Variants in SSTR4 observed in about 807,000 individuals in gnomAD.
SSTR4 encodes the protein somatostatin receptor type 4.
For missense variants in SSTR4, 649 were observed against 540.6 expected (o/e 1.20, Z -1.99); for synonymous variants, 272 against 246.3 (o/e 1.10, Z -0.98).
Position 23,036,400 on chromosome 20 carries a change from C to A in SSTR4, c.917C>A (p.Ala306Asp). ...SLILSYANSCANPILYGFLSD... is the reference protein window; with the variant it reads ...SLILSYANSCDNPILYGFLSD... ...ATCCTTAGCTATGCCAACAGCTGCG[C>A]CAACCCCATTCTCTATGGCTTCCTC... Residue 306 changes from alanine to aspartate, a missense_variant, in exon 1 of 1, where the codon GCC becomes GAC. Ala to Asp is a moderately radical substitution (Grantham distance 126). Coordinates refer to ENST00000255008, the MANE Select transcript of SSTR4 (RefSeq NM_001052.4). 4 of 1,614,150 alleles carry A rather than the reference C, an allele frequency of 2.5e-6. No individual in the cohort carries two copies. Among genetic ancestry groups the A allele is most frequent in the Non-Finnish European group, 3.4e-6 (4 of 1,180,002 alleles).
Position 23,036,803 on chromosome 20 carries a change from C to T in SSTR4, c.*153C>T. ...GTACCTGCCGGAGAGTGTCAGAACT[C>T]TTCTGCTGCTCTCCTCTCCCCTGCA... On this transcript the variant is annotated 3_prime_UTR_variant, in exon 1 of 1. Transcript: ENST00000255008. 1 of 834,278 alleles carries T rather than the reference C, an allele frequency of 1.2e-6. No homozygotes were observed. The highest frequency in any genetic ancestry group is 1.8e-6 in the Non-Finnish European group (1 of 549,922). The allele number at this position is 834,278 out of a possible 1,614,324, so 51.7% of individuals were successfully genotyped here.
Position 23,036,609 on chromosome 20 carries a change from G to T in SSTR4, c.1126G>T (p.Gly376Cys). The T allele has an allele frequency of 6.4e-7, 1 of 1,573,706 alleles. No homozygotes were observed. Among genetic ancestry groups the T allele is most frequent in the Non-Finnish European group, 8.6e-7 (1 of 1,161,086 alleles). ...CQQEALQPEP[G>C]RKRIPLTRTT... ...GCAGGAAGCCCTGCAACCAGAACCC[G>T]GCCGCAAGCGCATCCCCCTCACCAG... The change falls in exon 1 of 1, where the codon GGC becomes TGC. Residue 376 changes from glycine (G) to cysteine (C), a missense_variant. Transcript: ENST00000255008.
In SSTR4 at chr20:23,035,790, G is replaced by C; in HGVS notation, c.307G>C (p.Val103Leu). 6 of 1,593,894 alleles carry C rather than the reference G, an allele frequency of 3.8e-6. No individual in the cohort carries two copies. Among genetic ancestry groups the C allele is most frequent in the Non-Finnish European group, 4.3e-6 (5 of 1,169,072 alleles). Reference sequence around the variant, plus strand: ...GCTCTTCATGCTGAGCGTGCCCTTCGTGGCCTCGTCGGCCGCCCTGCGCCA... The same window carrying C: ...GCTCTTCATGCTGAGCGTGCCCTTCCTGGCCTCGTCGGCCGCCCTGCGCCA... The part of the protein sequence containing the change: ...DELFMLSVPF[V>L]ASSAALRHWP... The change falls in exon 1 of 1, where the codon GTG becomes CTG. Residue 103 changes from valine (V) to leucine (L), a missense_variant. Val to Leu is a conservative substitution (Grantham distance 32). Coordinates refer to ENST00000255008, the MANE Select transcript of SSTR4 (RefSeq NM_001052.4).
Position 23,036,416 on chromosome 20 carries a change from T to A in SSTR4, c.933T>A (p.Tyr311Ter). 1 of 1,614,076 alleles carries A rather than the reference T, an allele frequency of 6.2e-7. No individual in the cohort carries two copies. The highest frequency in any genetic ancestry group is 2.2e-5 in the East Asian group (1 of 44,868). ...ACAGCTGCGCCAACCCCATTCTCTA[T>A]GGCTTCCTCTCCGACAACTTCCGCC... ...YANSCANPIL[Y>*]GFLSDNFRRF... Residue 311 changes from tyrosine to a stop codon, truncating the protein, a stop_gained, in exon 1 of 1, where the codon TAT (tyrosine) becomes TAA (stop). Transcript: ENST00000255008. LOFTEE classifies it low-confidence loss of function (END_TRUNC).
rs753969264 is a variant in SSTR4 at position 23,035,842 on chromosome 20, G to A, written c.359G>A (p.Arg120His). 2.5e-6 allele frequency: 4 copies of A among 1,601,356 alleles called. No homozygotes were observed. The highest frequency in any genetic ancestry group is 2.3e-5 in the South Asian group (2 of 88,532). Reference protein sequence around the residue: ...RHWPFGSVLCRAVLSVDGLNM... With the variant: ...RHWPFGSVLCHAVLSVDGLNM... ...TGGCCCTTCGGCTCCGTGCTGTGCC[G>A]CGCGGTGCTCAGCGTCGACGGCCTC... The change falls in exon 1 of 1, where the codon CGC becomes CAC. Residue 120 changes from arginine (R) to histidine (H), a missense_variant. Arg to His is a conservative substitution (Grantham distance 29). Coordinates refer to ENST00000255008, the MANE Select transcript of SSTR4 (RefSeq NM_001052.4).
Position 23,035,690 on chromosome 20 carries a change from C to G in SSTR4, c.207C>G (p.Ile69Met). ...GGCTGGTGGGCAACGCCCTGGTCAT[C>G]TTCGTGATCCTTCGCTACGCCAAGA... ...LVGLVGNALV[I>M]FVILRYAKMK... is the part of the protein sequence containing the mutation. Residue 69 changes from isoleucine to methionine, a missense_variant, in exon 1 of 1, where the codon ATC becomes ATG. Transcript: ENST00000255008. The G allele has an allele frequency of 6.4e-7, 1 of 1,553,182 alleles. No individual in the cohort carries two copies. Among genetic ancestry groups the G allele is most frequent in the East Asian group, 2.3e-5 (1 of 44,046 alleles).
Position 23,036,686 on chromosome 20 carries a change from C to A in SSTR4, c.*36C>A. The stretch of plus-strand genomic sequence containing the variant: ...CCCTACCCACCCTGCGTGGCCACCT[C>A]CCAAGGGGTGGGCACCATTCCTACA... On this transcript the variant is annotated 3_prime_UTR_variant, in exon 1 of 1. Transcript: ENST00000255008. 6.6e-7 allele frequency: 1 copy of A among 1,520,932 alleles called. No individual in the cohort carries two copies. 94.2% of individuals were successfully genotyped at this position (1,520,932 alleles called of 1,614,324 possible). A position where few individuals can be genotyped will look rare whatever the true frequency, so the allele number is the denominator to read the frequency against.
Position 23,035,315 on chromosome 20 carries a change from C to T in SSTR4, c.-169C>T. ...CCAGTCGGGCGCCCGCGCGGTGGGG[C>T]GCGCGGCGCGGGGATTGGCGGGCGC... On this transcript the variant is annotated 5_prime_UTR_variant, in exon 1 of 1. Transcript: ENST00000255008. 2.3e-6 allele frequency: 1 copy of T among 436,896 alleles called. No homozygotes were observed. The highest frequency in any genetic ancestry group is 2.1e-5 in the African/African-American group (1 of 48,004). 27.1% of individuals were successfully genotyped at this position (436,896 alleles called of 1,614,324 possible). A position where few individuals can be genotyped will look rare whatever the true frequency, so the allele number is the denominator to read the frequency against.
chr20:23,038,771 C>T lies in SSTR4; in HGVS notation c.*2121C>T, dbSNP rs568325316. The stretch of plus-strand genomic sequence containing the variant: ...TGGTGGGAGGGCAGGAGATAGCACG[C>T]TTCTCTGCTTAGTCCTCCTTCCATC... On this transcript the variant is annotated 3_prime_UTR_variant, in exon 1 of 1. Transcript: ENST00000255008. Among the ~76,000 whole-genome samples, 40 of 152,354 alleles carry T rather than the reference C, an allele frequency of 2.6e-4. No individual in the cohort carries two copies. The highest frequency in any genetic ancestry group is 8.7e-4 in the African/African-American group (36 of 41,586).
Position 23,036,260 on chromosome 20 carries a change from G to A in SSTR4, c.777G>A (p.Arg259=). 1.9e-6 allele frequency: 3 copies of A among 1,614,182 alleles called. No homozygotes were observed. Among genetic ancestry groups the A allele is most frequent in the Non-Finnish European group, 2.5e-6 (3 of 1,180,046 alleles). Residue 259 remains arginine, a synonymous_variant, in exon 1 of 1, where the codon AGG becomes AGA. Transcript: ENST00000255008. ...GGCGCTCGGAGAAGAAAATCACCAG[G>A]CTGGTGCTGATGGTCGTGGTCGTCT... is the stretch of plus-strand genomic sequence containing the variant. ...QRRRSEKKIT[R]LVLMVVVVFV...
At position 23,035,756 on chromosome 20, in the gene SSTR4, A is replaced by T. The variant is rs1328785796; in HGVS notation, c.273A>T (p.Val91=). 2 of 1,590,782 alleles carry T rather than the reference A, an allele frequency of 1.3e-6. No homozygotes were observed. Among genetic ancestry groups the T allele is most frequent in the Middle Eastern group, 1.7e-4 (1 of 5,918 alleles). ...ACATCTACCTGCTCAACCTGGCCGT[A>T]GCCGACGAGCTCTTCATGCTGAGCG... The part of the protein sequence containing the change: ...ATNIYLLNLA[V]ADELFMLSVP... Residue 91 remains valine, a synonymous_variant, in exon 1 of 1, where the codon GTA becomes GTT. Transcript: ENST00000255008.
chr20:23,036,125 C>G lies in SSTR4; in HGVS notation c.642C>G (p.Tyr214Ter), dbSNP rs1384699359. The part of the protein sequence containing the change: ...HPAWSAVFVV[Y>*]TFLLGFLLPV... The stretch of plus-strand genomic sequence containing the variant: ...CCTGGTCGGCAGTCTTCGTGGTCTA[C>G]ACTTTCCTGCTGGGCTTCCTGCTGC... Residue 214 changes from tyrosine (Y) to a stop codon, truncating the protein, a stop_gained, in exon 1 of 1, where the codon TAC becomes TAG. Coordinates refer to ENST00000255008, the MANE Select transcript of SSTR4 (RefSeq NM_001052.4). LOFTEE classifies it low-confidence loss of function (END_TRUNC). 2 of 1,605,068 alleles carry G rather than the reference C, an allele frequency of 1.2e-6. No individual in the cohort carries two copies. Among genetic ancestry groups the G allele is most frequent in the Non-Finnish European group, 1.7e-6 (2 of 1,179,772 alleles).
In SSTR4 at chr20:23,036,907, C is replaced by T. The variant is rs1323281875; in HGVS notation, c.*257C>T. On this transcript the variant is annotated 3_prime_UTR_variant, in exon 1 of 1. Coordinates refer to ENST00000255008, the MANE Select transcript of SSTR4 (RefSeq NM_001052.4). ...GCTAGGATATTAATCATTCCTGAAC[C>T]TCTGGCTGTTCTTCAAGGGCTGGGA... is the stretch of plus-strand genomic sequence containing the variant. 4.6e-6 allele frequency: 2 copies of T among 439,120 alleles called. No individual in the cohort carries two copies. The highest frequency in any genetic ancestry group is 3.8e-5 in the Admixed American group (1 of 25,994). 27.2% of individuals were successfully genotyped at this position (439,120 alleles called of 1,614,324 possible). A position where few individuals can be genotyped will look rare whatever the true frequency, so the allele number is the denominator to read the frequency against.
chr20:23,036,037 C>A lies in SSTR4; in HGVS notation c.554C>A (p.Ala185Glu), dbSNP rs1251532127. 3.1e-6 allele frequency: 5 copies of A among 1,590,868 alleles called. No homozygotes were observed. Among genetic ancestry groups the A allele is most frequent in the South Asian group, 1.1e-5 (1 of 88,768 alleles). The change falls in exon 1 of 1, where the codon GCA (alanine) becomes GAA (glutamate). Residue 185 changes from alanine (A) to glutamate (E), a missense_variant. Ala to Glu is a moderately radical substitution (Grantham distance 107). Coordinates refer to ENST00000255008, the MANE Select transcript of SSTR4 (RefSeq NM_001052.4). ...GTCACTCTCCCCATCGCCATCTTCG[C>A]AGACACCAGACCGGCTCGCGGCGGC... ...LLVTLPIAIF[A>E]DTRPARGGQA...
In SSTR4 at chr20:23,036,606, C is replaced by A; in HGVS notation, c.1123C>A (p.Pro375Thr). ...PCQQEALQPE[P>T]GRKRIPLTRT... ...CCAGCAGGAAGCCCTGCAACCAGAA[C>A]CCGGCCGCAAGCGCATCCCCCTCAC... Residue 375 changes from proline (P) to threonine (T), a missense_variant, in exon 1 of 1, where the codon CCC becomes ACC. Coordinates refer to ENST00000255008, the MANE Select transcript of SSTR4 (RefSeq NM_001052.4). The A allele has an allele frequency of 6.3e-7, 1 of 1,578,010 alleles. No individual in the cohort carries two copies. The highest frequency in any genetic ancestry group is 8.6e-7 in the Non-Finnish European group (1 of 1,163,060).
At position 23,036,716 on chromosome 20, in the gene SSTR4, C is replaced by T. The variant is rs891435036; in HGVS notation, c.*66C>T. ...GGGGTGGGCACCATTCCTACAGCCC[C>T]GAAGACTGCATCTCCTGAATGCTCA... On this transcript the variant is annotated 3_prime_UTR_variant, in exon 1 of 1. Coordinates refer to ENST00000255008, the MANE Select transcript of SSTR4 (RefSeq NM_001052.4). 4.0e-6 allele frequency: 6 copies of T among 1,488,946 alleles called. No homozygotes were observed. The highest frequency in any genetic ancestry group is 5.4e-6 in the Non-Finnish European group (6 of 1,110,082). The allele number at this position is 1,488,946 out of a possible 1,614,324, so 92.2% of individuals were successfully genotyped here. A position where few individuals can be genotyped will look rare whatever the true frequency, so the allele number is the denominator to read the frequency against.
rs1476223742 is a variant in SSTR4 at position 23,035,965 on chromosome 20, G to T, written c.482G>T (p.Ser161Ile). Residue 161 changes from serine to isoleucine, a missense_variant, in exon 1 of 1, where the codon AGC (serine) becomes ATC (isoleucine). Coordinates refer to ENST00000255008, the MANE Select transcript of SSTR4 (RefSeq NM_001052.4). ...PLRAATYRRP[S>I]VAKLINLGVW... is the part of the protein sequence containing the mutation. ...CGCGCGGCGACCTACCGGCGGCCCAGCGTGGCCAAGCTCATCAACCTGGGC... is the reference window on the plus strand; with the variant it reads ...CGCGCGGCGACCTACCGGCGGCCCATCGTGGCCAAGCTCATCAACCTGGGC... The T allele has an allele frequency of 1.2e-6, 2 of 1,607,324 alleles. No homozygotes were observed. Among genetic ancestry groups the T allele is most frequent in the Non-Finnish European group, 8.5e-7 (1 of 1,178,472 alleles).
chr20:23,036,605 A>G lies in SSTR4; in HGVS notation c.1122A>G (p.Glu374=), dbSNP rs536568978. The change falls in exon 1 of 1, where the codon GAA becomes GAG. Residue 374 remains glutamate, a synonymous_variant. Transcript: ENST00000255008. The part of the protein sequence containing the change: ...LPCQQEALQP[E]PGRKRIPLTR... ...GCCAGCAGGAAGCCCTGCAACCAGA[A>G]CCCGGCCGCAAGCGCATCCCCCTCA... The G allele has an allele frequency of 6.3e-7, 1 of 1,576,782 alleles. No homozygotes were observed. Among genetic ancestry groups the G allele is most frequent in the Non-Finnish European group, 8.6e-7 (1 of 1,162,458 alleles).
chr20:23,036,106 C>T lies in SSTR4; in HGVS notation c.623C>T (p.Ser208Leu), dbSNP rs563621843. The change falls in exon 1 of 1, where the codon TCG becomes TTG. Residue 208 changes from serine (S) to leucine (L), a missense_variant. Physicochemically the swap from Ser to Leu is moderately radical, Grantham distance 145. Coordinates refer to ENST00000255008, the MANE Select transcript of SSTR4 (RefSeq NM_001052.4). ...CNLQWPHPAW[S>L]AVFVVYTFLL... is the part of the protein sequence containing the mutation. The stretch of plus-strand genomic sequence containing the variant: ...CTGCAGTGGCCACACCCGGCCTGGT[C>T]GGCAGTCTTCGTGGTCTACACTTTC... The T allele has an allele frequency of 6.9e-6, 11 of 1,602,052 alleles. No homozygotes were observed. Among genetic ancestry groups the T allele is most frequent in the South Asian group, 2.2e-5 (2 of 90,950 alleles).
Sources: gnomAD v4.1 joint callset for allele counts (sites outside exome capture counted in the v4.1 genomes callset) on GRCh38, gnomAD v4.1.1 for gene constraint, MANE v1.5 for transcripts, NCBI Gene and HGNC (gene_info 2026-07-23, HGNC 2026-07-21) for gene names.